HTATSF1: variants seen among roughly 807,000 people sequenced by gnomAD.
The protein encoded by HTATSF1 is HIV-1 Tat specific factor 1.
HTATSF1 carries 6 observed loss-of-function variants against 46.1 expected under a neutral mutation model. That is an observed-to-expected ratio of 0.13 (90% CI 0.07 to 0.26). The LOEUF (loss-of-function observed/expected upper bound fraction) is 0.26, where lower values mean the gene tolerates loss of function less well. Among genes scored for constraint, HTATSF1 ranks in the 10% least tolerant of loss-of-function variants. The pLI is 1.00. For missense variants in HTATSF1, 452 were observed against 559.9 expected, an observed-to-expected ratio of 0.81 and a Z score of 1.94; for synonymous variants, 226 against 211.5, an observed-to-expected ratio of 1.07 and a Z score of -0.60.
chrX:136,499,668 C>T lies in HTATSF1; in HGVS notation c.257C>T (p.Thr86Ile). 5 of 1,201,821 alleles carry T rather than the reference C, an allele frequency of 4.2e-6. No individual in the cohort carries two copies. Among genetic ancestry groups the T allele is most frequent in the Non-Finnish European group, 5.6e-6 (5 of 891,233 alleles). The change falls in exon 2 of 9, where the codon ACC (threonine) becomes ATC (isoleucine). Residue 86 changes from threonine to isoleucine, a missense_variant. Thr to Ile is a moderately conservative substitution (Grantham distance 89). Transcript: ENST00000218364. ...GFSNDGASSS[T>I]ANVEDVHART... is the part of the protein sequence containing the mutation. ...TCTAACGATGGCGCATCTAGTTCTA[C>T]CGCAAATGTTGAAGATGTCCATGCT...
chrX:136,500,033 T>C (rs1242321042), intron 2 of HTATSF1, 125 bp from the exon 3 acceptor site: 1 of 524,564 alleles, frequency 1.9e-6, no homozygotes, highest in East Asian at 3.5e-5. Context: ...TATCTTGGTC[T>C]TTTAAGAGTA....
chrX:136,508,571 G>A (rs752130393), intron 6 of HTATSF1, among the ~76,000 whole-genome samples: 2 of 112,649 alleles, frequency 1.8e-5, no homozygotes, highest in African/African-American at 6.4e-5. Context: ...GAGACAAGAC[G>A]AACAGTAATC....
At position 136,507,881 on chromosome X, in the gene HTATSF1, C is replaced by CCA. The variant is rs753673542; in HGVS notation, c.835-1195_835-1194dup. 5.2e-3 allele frequency among the ~76,000 whole-genome samples: 572 copies of CCA among 109,661 alleles called. 6 individuals carry two copies. Among genetic ancestry groups the CCA allele is most frequent in the African/African-American group, 0.017 (508 of 30,271 alleles). ...GCACTCACTCTAATAGGAGCTAACC[C>CCA]CACACACACACACACATGTCAAAAG... On this transcript the variant is annotated intron_variant, in intron 6 of 8. Coordinates refer to ENST00000218364, the MANE Select transcript of HTATSF1 (RefSeq NM_014500.5).
At position 136,511,104 on chromosome X, in the gene HTATSF1, C is replaced by T. The variant is rs747122196; in HGVS notation, c.1359C>T (p.Ser453=). The part of the protein sequence containing the change: ...GASENNAKES[S]PEKEAEEGCP... ...CTGAAAACAATGCTAAGGAAAGTAG[C>T]CCCGAAAAAGAGGCTGAAGAAGGCT... Residue 453 remains serine, a synonymous_variant, in exon 9 of 9, where the codon AGC becomes AGT. Transcript: ENST00000218364. 2.7e-5 allele frequency: 33 copies of T among 1,208,905 alleles called. No individual in the cohort carries two copies. The highest frequency in any genetic ancestry group is 2.3e-4 in the Middle Eastern group (1 of 4,367).
upstream of HTATSF1, chrX:136,497,404 C>A: frequency 8.7e-6 from 1 of 114,434 alleles, no homozygotes; most frequent in Non-Finnish European, 1.8e-5. Flanking sequence ...CGCCCTGGAC[C>A]TAGCGGCGGT....
intron 6 of HTATSF1, among the ~76,000 whole-genome samples, chrX:136,508,378 G>A (rs1156878161): frequency 8.9e-6 from 1 of 111,989 alleles, no homozygotes; most frequent in Admixed American, 9.5e-5. Context: ...AATTCCCAGA[G>A]GGAATCTTAA....
chrX:136,511,005 G>A lies in HTATSF1; in HGVS notation c.1260G>A (p.Met420Ile), dbSNP rs1185974794. ...ATGCTCAAGAAACTGCAACTGGAATGGCGTTTGAAGAACCTATAGATGAGA... is the reference window on the plus strand; with the variant it reads ...ATGCTCAAGAAACTGCAACTGGAATAGCGTTTGAAGAACCTATAGATGAGA... Reference protein sequence around the residue: ...KMNAQETATGMAFEEPIDEKK... With the variant: ...KMNAQETATGIAFEEPIDEKK... The change falls in exon 9 of 9, where the codon ATG becomes ATA. Residue 420 changes from methionine to isoleucine, a missense_variant. Met to Ile is a conservative substitution (Grantham distance 10). Coordinates refer to ENST00000218364, the MANE Select transcript of HTATSF1 (RefSeq NM_014500.5). 8.3e-7 allele frequency: 1 copy of A among 1,209,621 alleles called. No homozygotes were observed. The highest frequency in any genetic ancestry group is 1.8e-5 in the African/African-American group (1 of 57,127).
At chrX:136,499,006 CTG>C (rs1280801890) in intron 1 of HTATSF1, among the ~76,000 whole-genome samples, 12 of 112,977 alleles carry the variant, frequency 1.1e-4, no homozygotes, top group Non-Finnish European at 1.9e-4. Flanking sequence ...TTAATTTGTT[CTG>C]ATACTAAAAT....
In HTATSF1 at chrX:136,511,021, A is replaced by G. The variant is rs1337329891; in HGVS notation, c.1276A>G (p.Ile426Val). The G allele has an allele frequency of 2.5e-6, 3 of 1,209,915 alleles. No individual in the cohort carries two copies. The highest frequency in any genetic ancestry group is 3.5e-5 in the African/African-American group (2 of 57,165). Reference sequence around the variant, plus strand: ...AACTGGAATGGCGTTTGAAGAACCTATAGATGAGAAGAAGTTTGAAAAGAC... The same window carrying G: ...AACTGGAATGGCGTTTGAAGAACCTGTAGATGAGAAGAAGTTTGAAAAGAC... ...TATGMAFEEP[I>V]DEKKFEKTED... The change falls in exon 9 of 9, where the codon ATA becomes GTA. Residue 426 changes from isoleucine (I) to valine (V), a missense_variant. Transcript: ENST00000218364.
intron 6 of HTATSF1, among the ~76,000 whole-genome samples, chrX:136,505,345 C>G (rs1748492980): frequency 9.0e-6 from 1 of 111,516 alleles, no homozygotes; most frequent in African/African-American, 3.3e-5. Flanking sequence ...GAGAGGGCCC[C>G]AAAATGGACA....
chrX:136,499,167 A>C (rs1014817445), intron 1 of HTATSF1, among the ~76,000 whole-genome samples: 1 of 112,755 alleles, frequency 8.9e-6, no homozygotes, highest in African/African-American at 3.2e-5. Flanking sequence ...ATATTGGTGC[A>C]TCTGTACAGT....
rs182178714 is a variant in HTATSF1, at chrX:136,510,742, G to A, written c.1063-66G>A. 42 of 1,067,281 alleles carry A rather than the reference G, an allele frequency of 3.9e-5. No individual in the cohort carries two copies. In the East Asian group the frequency reaches 7.8e-4, roughly 20 times the overall value. 88.0% of individuals were successfully genotyped at this position (1,067,281 alleles called of 1,213,427 possible). On this transcript the variant is annotated intron_variant, in intron 8 of 8. Transcript: ENST00000218364. ...AATTAAGGTTGTTTCATCAATATTA[G>A]ATATGTTCAGAGAAGTAACCTTTTG...
In HTATSF1 at chrX:136,510,808, G is replaced by A. The variant is rs780588990; in HGVS notation, c.1063G>A (p.Val355Met). 1.7e-6 allele frequency: 2 copies of A among 1,185,230 alleles called. No homozygotes were observed. Among genetic ancestry groups the A allele is most frequent in the Non-Finnish European group, 2.3e-6 (2 of 885,972 alleles). The change falls in exon 9 of 9, where the codon GTG becomes ATG. Residue 355 changes from valine (V) to methionine (M), a missense_variant and splice_region_variant. By Grantham distance (21) the Val-to-Met change is conservative. This residue lies in a region of HTATSF1 where 117 missense variants were observed against 222.2 expected (regional missense o/e 0.53). Coordinates refer to ENST00000218364, the MANE Select transcript of HTATSF1 (RefSeq NM_014500.5). ...AATGGCAGTCTCCATTTATCCACAG[G>A]TGGAGGAAACCTCAAGAGAAAGGGA... Reference protein sequence around the residue: ...QAWDGTTDYQVEETSREREER... With the variant: ...QAWDGTTDYQMEETSREREER...
Position 136,511,984 on chromosome X carries a change from A to T in HTATSF1, c.2239A>T (p.Ser747Cys), listed in dbSNP as rs755805785. Residue 747 changes from serine (S) to cysteine (C), a missense_variant, in exon 9 of 9, where the codon AGT (serine) becomes TGT (cysteine). Ser to Cys is a moderately radical substitution (Grantham distance 112). This residue lies in a region of HTATSF1 where 246 missense variants were observed against 245.3 expected (regional missense o/e 1.00). Coordinates refer to ENST00000218364, the MANE Select transcript of HTATSF1 (RefSeq NM_014500.5). ...PLSTGSSFILSSDDDDDDI is the reference protein window; with the variant it reads ...PLSTGSSFILCSDDDDDDI Reference sequence around the variant, plus strand: ...ATCCACTGGCAGCAGCTTTATTCTCAGTAGCGATGATGATGACGATGATAT... The same window carrying T: ...ATCCACTGGCAGCAGCTTTATTCTCTGTAGCGATGATGATGACGATGATAT... 11 of 1,205,454 alleles carry T rather than the reference A, an allele frequency of 9.1e-6. No individual in the cohort carries two copies. The highest frequency in any genetic ancestry group is 1.1e-5 in the Non-Finnish European group (10 of 892,535).
chrX:136,499,677 T>C lies in HTATSF1; in HGVS notation c.266T>C (p.Val89Ala). The C allele has an allele frequency of 8.3e-7, 1 of 1,202,614 alleles. No individual in the cohort carries two copies. Among genetic ancestry groups the C allele is most frequent in the Non-Finnish European group, 1.1e-6 (1 of 891,515 alleles). Residue 89 changes from valine to alanine, a missense_variant, in exon 2 of 9, where the codon GTT (valine) becomes GCT (alanine). By Grantham distance (64) the Val-to-Ala change is moderately conservative (BLOSUM62 0). This residue lies in a region of HTATSF1 where 89 missense variants were observed against 92.3 expected (regional missense o/e 0.96). Coordinates refer to ENST00000218364, the MANE Select transcript of HTATSF1 (RefSeq NM_014500.5). ...GGCGCATCTAGTTCTACCGCAAATG[T>C]TGAAGATGTCCATGCTAGGACTGCA... is the stretch of plus-strand genomic sequence containing the variant. ...NDGASSSTAN[V>A]EDVHARTAEE...
intron 4 of HTATSF1, among the ~76,000 whole-genome samples, chrX:136,501,600 C>G (rs1046491192): frequency 8.9e-6 from 1 of 112,048 alleles, no homozygotes; most frequent in South Asian, 3.7e-4. Context: ...GGGTACAGAA[C>G]AAATGATGAC....
intron 1 of HTATSF1, among the ~76,000 whole-genome samples, chrX:136,498,627 C>T (rs372229767): frequency 1.8e-5 from 2 of 112,453 alleles, no homozygotes; most frequent in Non-Finnish European, 1.9e-5. Flanking sequence ...CACTGCGCGA[C>T]TGGACTGCTA....
chrX:136,497,520 G>C (rs1414692503), upstream of HTATSF1: 1 of 314,668 alleles, frequency 3.2e-6, no homozygotes, highest in East Asian at 5.0e-5. Flanking sequence ...TGCAGCCGCC[G>C]AGCGGCCGCG....
chrX:136,500,037 A>G (rs2075710873), intron 2 of HTATSF1, 121 bp from the exon 3 acceptor site: 1 of 530,324 alleles, frequency 1.9e-6, no homozygotes, highest in South Asian at 2.9e-5. Context: ...TTGGTCTTTT[A>G]AGAGTAACAG....
Sources: gnomAD v4.1 joint callset for allele counts (sites outside exome capture counted in the v4.1 genomes callset) on GRCh38, gnomAD v4.1.1 for gene constraint, gnomAD v4.1.1 regional missense constraint, MANE v1.5 for transcripts, NCBI Gene and HGNC (gene_info 2026-07-23, HGNC 2026-07-21) for gene names.